The following WWOX variants were observed in gnomAD, a reference collection of about 807,000 sequenced individuals.
WWOX encodes WW domain-containing oxidoreductase.
A neutral mutation model predicts 46.2 loss-of-function variants in WWOX; 69 were observed. The ratio of observed to expected loss-of-function variants is 1.49; its 90% CI spans 1.23 to 1.82. WWOX has a LOEUF of 1.82. WWOX is among the 40% of genes most tolerant of loss of function. The pLI is 0.00. For synonymous variants in WWOX, 359 were observed against 202.6 expected (o/e 1.77, Z -6.56); for missense variants, 919 against 542.6 (o/e 1.69, Z -6.89).
chr16:79,170,060 C>G (rs1262473354), intron 8 of WWOX, among the ~76,000 whole-genome samples: 1 of 152,134 alleles, frequency 6.6e-6, no homozygotes, highest in African/African-American at 2.4e-5. Flanking sequence ...CCAACCAGCT[C>G]AAACAAGTTA....
intron 8 of WWOX, among the ~76,000 whole-genome samples, chr16:79,207,174 T>C (rs1033157989): frequency 6.6e-6 from 1 of 152,232 alleles, no homozygotes; most frequent in African/African-American, 2.4e-5. Flanking sequence ...AGCAGCTCTC[T>C]GATAAATGTA....
intron 4 of WWOX, among the ~76,000 whole-genome samples, chr16:78,125,855 G>A (rs2033338689): frequency 6.6e-6 from 1 of 152,106 alleles, no homozygotes; most frequent in South Asian, 2.1e-4. Flanking sequence ...TTAGCTTGAT[G>A]TGCCTTCTCA....
intron 8 of WWOX, among the ~76,000 whole-genome samples, chr16:78,870,112 C>T (rs555269208): frequency 6.6e-6 from 1 of 152,290 alleles, no homozygotes; most frequent in South Asian, 2.1e-4. Flanking sequence ...GGCCTAAGTG[C>T]TCTGACAGGG....
At chr16:78,572,635 A>G (rs1000146805) in intron 8 of WWOX, among the ~76,000 whole-genome samples, 12 of 150,718 alleles carry the variant, frequency 8.0e-5, no homozygotes, top group Non-Finnish European at 1.6e-4. Context: ...AAGCATTTAC[A>G]TAGGAGAATA....
intron 5 of WWOX, among the ~76,000 whole-genome samples, chr16:78,352,229 A>C (rs2081200329): frequency 6.6e-6 from 1 of 152,248 alleles, no homozygotes; most frequent in Non-Finnish European, 1.5e-5. Context: ...AAATCTCACA[A>C]ATTAAACATG....
At chr16:79,196,606 C>G (rs768321977) in intron 8 of WWOX, 2 of 152,212 alleles carry the variant, frequency 1.3e-5, no homozygotes, top group Non-Finnish European at 2.9e-5. Flanking sequence ...CTCTCTTCTC[C>G]TGATACTCCA....
intron 8 of WWOX, among the ~76,000 whole-genome samples, chr16:79,071,863 T>C (rs1322388407): frequency 6.6e-6 from 1 of 152,220 alleles, no homozygotes; most frequent in Non-Finnish European, 1.5e-5. Context: ...TCAGCAGTGT[T>C]GCAACCAACT....
At chr16:79,097,496 A>G (rs6564645) in intron 8 of WWOX, among the ~76,000 whole-genome samples, 51,666 of 151,984 alleles carry the variant, frequency 0.34, 10,324 homozygotes, top group African/African-American at 0.56. Flanking sequence ...TTTTGTTCGC[A>G]GTGGCACCGC....
intron 8 of WWOX, among the ~76,000 whole-genome samples, chr16:79,210,811 C>T (rs1320504472): frequency 3.3e-5 from 5 of 152,120 alleles, no homozygotes; most frequent in African/African-American, 7.2e-5. Context: ...TCACTGCACA[C>T]GTCCCTAGCC....
In WWOX at chr16:78,321,400, A is replaced by ATGCG. The variant is rs1567499444; in HGVS notation, c.517-65459_517-65458insGCGT. ...TATATGCGTATATATATACGTATAT[A>ATGCG]TACGTATATATATATGTGTGTATAT... On this transcript the variant is annotated intron_variant, in intron 5 of 8. Transcript: ENST00000566780. Among the ~76,000 whole-genome samples the ATGCG allele has an allele frequency of 4.7e-4, 60 of 127,710 alleles. 5 individuals are homozygous for ATGCG. Among genetic ancestry groups the ATGCG allele is most frequent in the Non-Finnish European group, 8.3e-4 (50 of 60,518 alleles). 83.8% of individuals were successfully genotyped at this position (127,710 alleles called of 152,430 possible).
At chr16:78,866,751 C>G (rs1239433522) in intron 8 of WWOX, among the ~76,000 whole-genome samples, 1 of 152,176 alleles carries the variant, frequency 6.6e-6, no homozygotes, top group Admixed American at 6.5e-5. Flanking sequence ...CTGTTTCCAG[C>G]CACGGGCTAT....
At position 78,263,996 on chromosome 16, in the gene WWOX, C is replaced by CTTTTTT. The variant is rs757195574; in HGVS notation, c.516+99721_516+99726dup. Among the ~76,000 whole-genome samples the CTTTTTT allele has an allele frequency of 5.4e-3, 428 of 78,756 alleles. 49 individuals carry two copies. Among genetic ancestry groups the CTTTTTT allele is most frequent in the African/African-American group, 0.013 (209 of 16,482 alleles). 51.7% of individuals were successfully genotyped at this position (78,756 alleles called of 152,430 possible). On this transcript the variant is annotated intron_variant, in intron 5 of 8. Transcript: ENST00000566780. ...AGAAATATGTGTTTGGCTGTGAAAT[C>CTTTTTT]TTTTTTTTTTTTTTTTTTTGTTTTT...
At chr16:78,549,351 A>G (rs912506472) in intron 8 of WWOX, among the ~76,000 whole-genome samples, 1 of 152,192 alleles carries the variant, frequency 6.6e-6, no homozygotes, top group African/African-American at 2.4e-5. Context: ...CTCTGTTAAT[A>G]TATTTGTTCG....
intron 8 of WWOX, among the ~76,000 whole-genome samples, chr16:78,514,195 A>G (rs985209362): frequency 6.6e-6 from 1 of 152,222 alleles, no homozygotes; most frequent in Admixed American, 6.5e-5. Context: ...AACCTAGTCT[A>G]TGTTATAGAA....
At chr16:78,943,246 A>G (rs1160731319) in intron 8 of WWOX, among the ~76,000 whole-genome samples, 4 of 151,326 alleles carry the variant, frequency 2.6e-5, no homozygotes, top group Non-Finnish European at 5.9e-5. Context: ...CTTAAAAAAG[A>G]TCCCGGGAGG....
At chr16:78,378,797 G>A (rs1019908037) in intron 5 of WWOX, among the ~76,000 whole-genome samples, 11 of 152,272 alleles carry the variant, frequency 7.2e-5, no homozygotes, top group East Asian at 3.9e-4. Context: ...GATTATTGCC[G>A]TGCTTACATT....
intron 5 of WWOX, among the ~76,000 whole-genome samples, chr16:78,170,489 C>T (rs563539730): frequency 3.3e-5 from 5 of 152,330 alleles, no homozygotes; most frequent in Non-Finnish European, 7.3e-5. Flanking sequence ...GTGATGCTTA[C>T]TTTTCTTAAC....
At chr16:78,613,959 C>T (rs889000573) in intron 8 of WWOX, among the ~76,000 whole-genome samples, 4 of 152,172 alleles carry the variant, frequency 2.6e-5, no homozygotes, top group Admixed American at 1.3e-4. Flanking sequence ...TTACGTACTG[C>T]GATGGCTGCT....
chr16:78,409,790 C>A (rs78357783), intron 6 of WWOX, among the ~76,000 whole-genome samples: 1 of 152,094 alleles, frequency 6.6e-6, no homozygotes, highest in Non-Finnish European at 1.5e-5. Flanking sequence ...TAAAGGTCAC[C>A]CACAACATCT....
Sources: gnomAD v4.1 joint callset for allele counts (sites outside exome capture counted in the v4.1 genomes callset) on GRCh38, gnomAD v4.1.1 for gene constraint, MANE v1.5 for transcripts, NCBI Gene and HGNC (gene_info 2026-07-23, HGNC 2026-07-21) for gene names.